ATP8B4: variants seen among roughly 807,000 people sequenced by gnomAD.
ATP8B4 encodes ATPase phospholipid transporting 8B4 (putative), also known as probable phospholipid-transporting ATPase IM.
Under a neutral mutation model 145.6 loss-of-function variants are expected in ATP8B4, and 133 were observed. The ratio of observed to expected loss-of-function variants is 0.91; its 90% confidence interval spans 0.79 to 1.05. The LOEUF (loss-of-function observed/expected upper bound fraction) is 1.05. Ranked by LOEUF, ATP8B4 falls within the 50% of genes least tolerant of loss-of-function variation. ATP8B4 has a pLI of 0.00. For missense variants in ATP8B4, 1,458 were observed against 1,425.2 expected (o/e 1.02, Z -0.37); for synonymous variants, 507 against 492.9 (o/e 1.03, Z -0.38).
intron 20 of ATP8B4, among the ~76,000 whole-genome samples, chr15:49,909,572 C>G: frequency 6.6e-6 from 1 of 152,050 alleles, no homozygotes; most frequent in Non-Finnish European, 1.5e-5. Flanking sequence ...GACCCAAAGA[C>G]AGGCAGGCTC....
rs931010429 is a variant in ATP8B4, at chr15:50,180,184, AT to A, written c.-43+2076del. Reference sequence around the variant, plus strand: ...AAATGGGCGCATAATCCAGTCAGGGATTTTTTTTTTTATGAGAACTCCTAAG... The same window carrying A: ...AAATGGGCGCATAATCCAGTCAGGGATTTTTTTTTTATGAGAACTCCTAAG... On this transcript the variant is annotated intron_variant, in intron 1 of 3. Transcript: ENST00000558829. 1.4e-3 allele frequency among the ~76,000 whole-genome samples: 209 copies of A among 147,520 alleles called. 3 individuals are homozygous for A. The highest frequency in any genetic ancestry group is 0.011 in the Admixed American group (159 of 14,782).
chr15:50,043,446 G>T (rs2051461384), intron 5 of ATP8B4, among the ~76,000 whole-genome samples: 1 of 151,858 alleles, frequency 6.6e-6, no homozygotes, highest in South Asian at 2.1e-4. Flanking sequence ...GAGTGTGCTT[G>T]CTCTCCTGCT....
chr15:50,021,927 C>T (rs1298112557), intron 6 of ATP8B4, among the ~76,000 whole-genome samples: 15 of 152,088 alleles, frequency 9.9e-5, no homozygotes, highest in Non-Finnish European at 1.8e-4. Context: ...AGAGCTGACA[C>T]GAGTAATAGT....
At chr15:50,157,069 A>T (rs67251119) in intron 1 of ATP8B4, among the ~76,000 whole-genome samples, 35,241 of 152,166 alleles carry the variant, frequency 0.23, 4,705 homozygotes, top group East Asian at 0.41. Context: ...AGATCAAACG[A>T]AATATTAAAT....
At position 49,873,720 on chromosome 15, in the gene ATP8B4, C is replaced by T. The variant is rs573182036; in HGVS notation, c.3027+2558G>A. On this transcript the variant is annotated intron_variant, in intron 25 of 27. Transcript: ENST00000284509. Reference sequence around the variant, plus strand: ...ACAGGTACATACATGGCCTAAGTTTCTGCCTGGCTGCAGGAGGTGTGGCGA... The same window carrying T: ...ACAGGTACATACATGGCCTAAGTTTTTGCCTGGCTGCAGGAGGTGTGGCGA... Among the ~76,000 whole-genome samples the T allele has an allele frequency of 3.3e-5, 5 of 152,282 alleles. No individual in the cohort carries two copies. In the South Asian group the frequency reaches 1.0e-3, roughly 32 times the overall value.
intron 13 of ATP8B4, among the ~76,000 whole-genome samples, chr15:49,968,244 CATA>C (rs1211529885): frequency 2.0e-5 from 3 of 152,154 alleles, no homozygotes; most frequent in African/African-American, 7.2e-5. Context: ...CAGCTAGCAT[CATA>C]ATGACAGGAT....
chr15:50,039,328 ACTGAGC>A (rs2051091406), intron 5 of ATP8B4, among the ~76,000 whole-genome samples: 1 of 152,254 alleles, frequency 6.6e-6, no homozygotes, highest in Non-Finnish European at 1.5e-5. Flanking sequence ...CTTATGAAGT[ACTGAGC>A]ATTTAAAGCA....
In ATP8B4 at chr15:49,931,113, C is replaced by G; in HGVS notation, c.1642+6G>C. ...GATCAAAAATAGTCTTAGCTACCAA[C>G]CATACCTATGACAGACATCCTTTTT... On this transcript the variant is annotated splice_donor_region_variant and intron_variant, in intron 16 of 27. Transcript: ENST00000284509. 6.2e-7 allele frequency: 1 copy of G among 1,606,150 alleles called. No homozygotes were observed. Among genetic ancestry groups the G allele is most frequent in the Non-Finnish European group, 8.5e-7 (1 of 1,174,822 alleles).
At chr15:49,864,039 G>A (rs145345957) in intron 26 of ATP8B4, among the ~76,000 whole-genome samples, 3 of 152,142 alleles carry the variant, frequency 2.0e-5, no homozygotes, top group East Asian at 1.9e-4. Flanking sequence ...TTTGGCAAAC[G>A]ATCTTAAAAA....
chr15:50,138,326 G>GTAGGTAGATAGATAGATAGATAGA (rs1555496744), intron 1 of ATP8B4, among the ~76,000 whole-genome samples: 1 of 148,118 alleles, frequency 6.8e-6, no homozygotes, highest in African/African-American at 2.6e-5. Context: ...AGATAGATAG[G>GTAGGTAGATAGATAGATAGATAGA]TAGATAGATA....
rs1241498667 is a variant in ATP8B4 at position 49,876,226 on chromosome 15, T to A, written c.3027+52A>T. The A allele has an allele frequency of 1.9e-6, 3 of 1,571,606 alleles. No homozygotes were observed. In the African/African-American group the frequency reaches 4.1e-5, roughly 21 times the overall value. On this transcript the variant is annotated intron_variant, in intron 25 of 27. Coordinates refer to ENST00000284509, the MANE Select transcript of ATP8B4 (RefSeq NM_024837.4). ...TAGACAAAATCAATCAACAATGAAA[T>A]AGTAAAAGTTGTAAACCCATCAAGT...
intron 1 of ATP8B4, among the ~76,000 whole-genome samples, chr15:50,125,573 G>GA (rs1321463348): frequency 1.3e-5 from 2 of 152,266 alleles, no homozygotes; most frequent in African/African-American, 2.4e-5. Flanking sequence ...TGTGAGAACA[G>GA]AAAAATAGCT....
At chr15:49,958,863 C>T (rs1456439148) in intron 14 of ATP8B4, among the ~76,000 whole-genome samples, 1 of 151,912 alleles carries the variant, frequency 6.6e-6, no homozygotes, top group Non-Finnish European at 1.5e-5. Context: ...ACCAGGTCCA[C>T]ATAATTTTAT....
At chr15:49,870,153 T>C (rs937564495) in intron 25 of ATP8B4, among the ~76,000 whole-genome samples, 2 of 152,248 alleles carry the variant, frequency 1.3e-5, no homozygotes, top group African/African-American at 4.8e-5. Context: ...ATATTATGAA[T>C]TTCTGTGCAG....
At position 49,923,386 on chromosome 15, in the gene ATP8B4, T is replaced by C. The variant is rs1242420121; in HGVS notation, c.1751A>G (p.His584Arg). Residue 584 changes from histidine (H) to arginine (R), a missense_variant, in exon 17 of 28, where the codon CAC becomes CGC. His to Arg is a conservative substitution (Grantham distance 29). Transcript: ENST00000284509. ...NEVLLSLTSDHLSEFAGEGLR... is the reference protein window; with the variant it reads ...NEVLLSLTSDRLSEFAGEGLR... ...TAAGACGGAGGCACTTACACTGAGG[T>C]GGTCTGACGTCAAAGACAAAAGGAC... 3 of 1,606,024 alleles carry C rather than the reference T, an allele frequency of 1.9e-6. No homozygotes were observed. The highest frequency in any genetic ancestry group is 1.1e-5 in the South Asian group (1 of 90,842).
At chr15:50,057,277 G>C (rs532875108) in intron 3 of ATP8B4, among the ~76,000 whole-genome samples, 7 of 152,300 alleles carry the variant, frequency 4.6e-5, no homozygotes, top group African/African-American at 1.7e-4. Flanking sequence ...ATCTCAGGCA[G>C]TCCTTAAAAA....
chr15:50,033,201 G>A lies in ATP8B4; in HGVS notation c.362+5567C>T, dbSNP rs368330004. 9.2e-5 allele frequency among the ~76,000 whole-genome samples: 14 copies of A among 152,190 alleles called. 1 individual carries two copies. The highest frequency in any genetic ancestry group is 9.2e-4 in the Admixed American group (14 of 15,278). On this transcript the variant is annotated intron_variant, in intron 6 of 27. Coordinates refer to ENST00000284509, the MANE Select transcript of ATP8B4 (RefSeq NM_024837.4). ...AAATGAATAAGATTGATGGAAACAG[G>A]CCTATGAGAGCTTCAGAGATTTAAG... is the stretch of plus-strand genomic sequence containing the variant.
chr15:49,976,833 A>G (rs535700861), intron 12 of ATP8B4, among the ~76,000 whole-genome samples: 3 of 152,292 alleles, frequency 2.0e-5, no homozygotes, highest in Admixed American at 6.5e-5. Context: ...AAAAATATTC[A>G]GAGTTAACAT....
chr15:50,053,109 A>C (rs1176356361), intron 3 of ATP8B4, among the ~76,000 whole-genome samples: 1 of 152,180 alleles, frequency 6.6e-6, no homozygotes, highest in African/African-American at 2.4e-5. Flanking sequence ...GAATGGTAAT[A>C]ATTACTGACA....
Sources: gnomAD v4.1 joint callset for allele counts (sites outside exome capture counted in the v4.1 genomes callset) on GRCh38, gnomAD v4.1.1 for gene constraint, MANE v1.5 for transcripts, NCBI Gene and HGNC (gene_info 2026-07-23, HGNC 2026-07-21) for gene names.